Variants in JADE3 observed in about 807,000 individuals in gnomAD.
JADE3 encodes the protein jade family PHD finger 3.
In JADE3, 2 loss-of-function variants were observed where a neutral mutation model predicts 50.1. The ratio of observed to expected loss-of-function variants is 0.04; its 90% CI spans 0.02 to 0.13. JADE3 has a LOEUF of 0.13. JADE3 is among the 10% of genes least tolerant of loss of function. The pLI is 1.00. For missense variants in JADE3, 475 were observed against 634.4 expected, an observed-to-expected ratio of 0.75 and a Z score of 2.70; for synonymous variants, 218 against 232.9, an observed-to-expected ratio of 0.94 and a Z score of 0.58.
At chrX:46,912,750 G>C (rs1472394878) in intron 1 of JADE3, 31 bp downstream of exon 1, 2 of 112,086 alleles carry the variant, frequency 1.8e-5, no homozygotes, top group African/African-American at 6.4e-5. Context: ...ACCCGGCGCG[G>C]GCGAGGTTGG....
chrX:46,939,936 AT>A (rs1252964454), intron 1 of JADE3, among the ~76,000 whole-genome samples: 1 of 112,489 alleles, frequency 8.9e-6, no homozygotes, highest in Non-Finnish European at 1.9e-5. Context: ...TTCAGTGTCC[AT>A]AAGTCAAATT....
intron 3 of JADE3, among the ~76,000 whole-genome samples, chrX:46,993,150 A>G (rs1556356413): frequency 8.9e-6 from 1 of 112,028 alleles, no homozygotes. Flanking sequence ...ATTTTTGACT[A>G]CTAGTCTGGT....
chrX:46,967,658 G>GCGGCTA (rs1181890312), intron 1 of JADE3, among the ~76,000 whole-genome samples: 2 of 111,521 alleles, frequency 1.8e-5, no homozygotes, highest in Non-Finnish European at 3.8e-5. Flanking sequence ...GCTTCCTGGG[G>GCGGCTA]CGGCTACTGG....
At chrX:46,961,873 C>T (rs781966918) in intron 1 of JADE3, among the ~76,000 whole-genome samples, 6 of 112,141 alleles carry the variant, frequency 5.4e-5, no homozygotes, top group African/African-American at 1.6e-4. Flanking sequence ...AAAAAGACTG[C>T]GTTTATACTT....
At chrX:46,933,915 C>T (rs1926550556) in intron 1 of JADE3, among the ~76,000 whole-genome samples, 1 of 110,041 alleles carries the variant, frequency 9.1e-6, no homozygotes, top group South Asian at 3.8e-4. Flanking sequence ...TGACTTTTGT[C>T]AAACCCATCA....
chrX:46,975,581 A>C (rs1927596824), intron 1 of JADE3, among the ~76,000 whole-genome samples: 1 of 111,015 alleles, frequency 9.0e-6, no homozygotes, highest in Non-Finnish European at 1.9e-5. Context: ...AAATACCATA[A>C]TATTAATGTA....
chrX:47,025,799 C>G (rs1387002909), intron 5 of JADE3, among the ~76,000 whole-genome samples: 1 of 111,900 alleles, frequency 8.9e-6, no homozygotes, highest in Non-Finnish European at 1.9e-5. Context: ...TTGTTTGAAT[C>G]ACATTTTATT....
At chrX:46,949,273 T>G (rs781969446) in intron 1 of JADE3, among the ~76,000 whole-genome samples, 3 of 111,856 alleles carry the variant, frequency 2.7e-5, no homozygotes, top group Non-Finnish European at 5.6e-5. Flanking sequence ...ATTTCTGGGT[T>G]GTTTCTAGCT....
At chrX:46,960,239 C>A (rs1298902672) in intron 1 of JADE3, among the ~76,000 whole-genome samples, 53 of 97,950 alleles carry the variant, frequency 5.4e-4, no homozygotes, top group Non-Finnish European at 5.0e-4. Context: ...ATCTGTGCAA[C>A]AAAAAAAAAA....
At chrX:47,057,814 C>G (rs1556373658) in intron 10 of JADE3, among the ~76,000 whole-genome samples, 5 of 111,805 alleles carry the variant, frequency 4.5e-5, no homozygotes, top group African/African-American at 1.6e-4. Context: ...TGCACAGACA[C>G]ACAAATAGGA....
At chrX:47,043,016 A>G (rs1220404647) in intron 8 of JADE3, among the ~76,000 whole-genome samples, 1 of 111,653 alleles carries the variant, frequency 9.0e-6, no homozygotes, top group African/African-American at 3.3e-5. Flanking sequence ...GAGAGACTTC[A>G]TTTGTTTAGA....
At chrX:47,033,927 C>G (rs1320887641) in intron 7 of JADE3, 139 bp downstream of exon 7, 2 of 486,169 alleles carry the variant, frequency 4.1e-6, no homozygotes, top group Non-Finnish European at 6.6e-6. Context: ...TCCACTTGAG[C>G]TACCTCAGAT....
intron 6 of JADE3, 115 bp from the exon 7 acceptor site, chrX:47,033,506 C>A: frequency 1.7e-6 from 1 of 583,770 alleles, no homozygotes; most frequent in Admixed American, 4.0e-5. Context: ...GCTTGTTCGG[C>A]TTTATTTGCC....
At chrX:47,057,187 A>G (rs782372766) in intron 10 of JADE3, among the ~76,000 whole-genome samples, 4 of 111,580 alleles carry the variant, frequency 3.6e-5, no homozygotes, top group African/African-American at 1.3e-4. Flanking sequence ...TATGACTTGC[A>G]GCATCAGCAG....
intron 10 of JADE3, among the ~76,000 whole-genome samples, chrX:47,057,939 GGT>G (rs1260942521): frequency 9.0e-6 from 1 of 111,431 alleles, no homozygotes; most frequent in African/African-American, 3.3e-5. Context: ...AAAGAGCAGA[GGT>G]GAAGAGGTGT....
intron 4 of JADE3, among the ~76,000 whole-genome samples, chrX:47,013,469 T>C (rs1556362213): frequency 1.8e-5 from 2 of 111,943 alleles, no homozygotes; most frequent in African/African-American, 6.5e-5. Context: ...AATTAAGTGA[T>C]GAAAATTAAA....
intron 8 of JADE3, among the ~76,000 whole-genome samples, chrX:47,043,338 A>G (rs1929304507): frequency 1.8e-5 from 2 of 112,423 alleles, no homozygotes; most frequent in Non-Finnish European, 3.8e-5. Flanking sequence ...CATCAAGACC[A>G]TCCAGGAAAA....
intron 1 of JADE3, among the ~76,000 whole-genome samples, chrX:46,980,623 C>T (rs1556352809): frequency 9.0e-6 from 1 of 111,553 alleles, no homozygotes. Flanking sequence ...GATGAAAACA[C>T]ATTTTTCTTT....
chrX:47,026,856 AC>A (rs1395363477), intron 5 of JADE3, among the ~76,000 whole-genome samples: 1 of 111,412 alleles, frequency 9.0e-6, no homozygotes, highest in Non-Finnish European at 1.9e-5. Context: ...GTCAAAGTTT[AC>A]ATAGCTAATA....
Sources: allele counts gnomAD v4.1 joint callset (sites outside exome capture counted in the v4.1 genomes callset), GRCh38; gene constraint gnomAD v4.1.1; transcripts MANE v1.5; gene names NCBI Gene and HGNC (gene_info 2026-07-23, HGNC 2026-07-21).